Variants in FRMD1 observed in about 807,000 individuals in gnomAD.
The protein encoded by FRMD1 is FERM domain containing 1.
In FRMD1, 51 loss-of-function variants were observed where a neutral mutation model predicts 54.9. That is an observed-to-expected ratio of 0.93 (90% confidence interval 0.74 to 1.17). FRMD1 has a LOEUF of 1.17. Ranked by LOEUF, FRMD1 falls within the 50% of genes most tolerant of loss-of-function variation. The pLI, the probability that FRMD1 is intolerant of heterozygous loss-of-function variation, is 0.00. For synonymous variants in FRMD1, 324 were observed against 306.4 expected, an observed-to-expected ratio of 1.06 and a Z score of -0.60; for missense variants, 729 against 743.0, an observed-to-expected ratio of 0.98 and a Z score of 0.22.
intron 10 of FRMD1, 178 bp from the exon 11 acceptor site, chr6:168,057,517 G>A: frequency 1.2e-6 from 1 of 827,652 alleles, no homozygotes; most frequent in South Asian, 1.8e-5. Context: ...CTGCGAGAGA[G>A]GCTTGGCATC....
intron 1 of FRMD1, chr6:168,075,940 G>A (rs1339663582): frequency 1.1e-5 from 3 of 276,558 alleles, no homozygotes; most frequent in Admixed American, 1.1e-4. Flanking sequence ...TCCGGTGCCC[G>A]GTGTCCACAT....
At position 168,057,066 on chromosome 6, in the gene FRMD1, G is replaced by A. The variant is rs920783809; in HGVS notation, c.*31C>T. The A allele has an allele frequency of 1.2e-5, 18 of 1,441,766 alleles. No homozygotes were observed. In the East Asian group the frequency reaches 3.5e-4, roughly 28 times the overall value. The allele number at this position is 1,441,766 out of a possible 1,614,324, so 89.3% of individuals were successfully genotyped here. On this transcript the variant is annotated 3_prime_UTR_variant, in exon 11 of 11. Transcript: ENST00000283309. ...GGGGTGGGCAGGGGCTGAGCCTGGC[G>A]GTGCGGACGGTACTGCTGGGTGGGT...
At chr6:168,088,054 C>A (rs913953429) in intron 1 of FRMD1, among the ~76,000 whole-genome samples, 16 of 152,334 alleles carry the variant, frequency 1.1e-4, no homozygotes, top group Admixed American at 1.3e-4. Context: ...GGCTCTCTCC[C>A]TCTGGTTCCG....
chr6:168,059,287 ACCG>A lies in FRMD1; in HGVS notation c.1343-102_1343-100del. ...TGCACTTCTGGGGCCCTGGTCTCGG[ACCG>A]GCATCTCCTGAGGCTCACACCGCCC... On this transcript the variant is annotated intron_variant, in intron 9 of 10. Coordinates refer to ENST00000283309, the MANE Select transcript of FRMD1 (RefSeq NM_024919.6). This position sits in a 1 kb window ranked among gnomAD's most constrained non-coding sequence, Gnocchi z 4.4. 1 of 999,196 alleles carries A rather than the reference ACCG, an allele frequency of 1.0e-6. No homozygotes were observed. The highest frequency in any genetic ancestry group is 1.5e-6 in the Non-Finnish European group (1 of 671,310). The allele number at this position is 999,196 out of a possible 1,614,324, so 61.9% of individuals were successfully genotyped here. A position where few individuals can be genotyped will look rare whatever the true frequency, so the allele number is the denominator to read the frequency against.
intron 8 of FRMD1, among the ~76,000 whole-genome samples, chr6:168,061,279 C>T (rs976691163): frequency 1.8e-4 from 27 of 146,344 alleles, no homozygotes; most frequent in African/African-American, 6.5e-4. Flanking sequence ...AACGCTGAGG[C>T]GAGGCCTTGT....
chr6:168,063,997 A>G (rs1583178168), intron 5 of FRMD1, among the ~76,000 whole-genome samples: 3 of 152,198 alleles, frequency 2.0e-5, no homozygotes, highest in Non-Finnish European at 4.4e-5. Context: ...GGCAGCAGCC[A>G]GCCCTCCTCA....
intron 4 of FRMD1, chr6:168,066,176 T>G (rs772286034): frequency 6.1e-6 from 6 of 987,074 alleles, no homozygotes; most frequent in African/African-American, 1.7e-5. Context: ...ATACCCACCC[T>G]AGAGAGTACG....
At chr6:168,079,568 G>A (rs773522433), upstream of FRMD1, among the ~76,000 whole-genome samples, 21 of 152,198 alleles carry the variant, frequency 1.4e-4, no homozygotes, top group African/African-American at 3.6e-4. Flanking sequence ...CGAGGAGGGC[G>A]GGAGGAAGGC....
In FRMD1 at chr6:168,069,758, A is replaced by C. The variant is rs1800207553; in HGVS notation, c.305-2312T>G. On this transcript the variant is annotated intron_variant, in intron 2 of 10. Coordinates refer to ENST00000283309, the MANE Select transcript of FRMD1 (RefSeq NM_024919.6). ...GCGGCAACACCGATCTAGAAGATGA[A>C]ACCACTTGTTTCTCAAAATCATCAC... Among the ~76,000 whole-genome samples, 3 of 152,200 alleles carry C rather than the reference A, an allele frequency of 2.0e-5. No homozygotes were observed. In the South Asian group the frequency reaches 6.2e-4, roughly 32 times the overall value.
In FRMD1 at chr6:168,063,577, A is replaced by T. The variant is rs187719347; in HGVS notation, c.804+24T>A. ...CTGGCCTGGAGTCAGAGTCCAGCCC[A>T]TCGCTGGCCGCCCTGGGCTCGACCT... On this transcript the variant is annotated intron_variant, in intron 6 of 10. Transcript: ENST00000283309. 6.9e-5 allele frequency: 110 copies of T among 1,592,442 alleles called. No individual in the cohort carries two copies. In the Admixed American group the frequency reaches 1.8e-3, roughly 26 times the overall value.
intron 4 of FRMD1, 101 bp from the exon 5 acceptor site, chr6:168,065,158 C>T: frequency 1.4e-6 from 2 of 1,456,998 alleles, no homozygotes; most frequent in South Asian, 1.4e-5. Context: ...CCAGGGCTGT[C>T]CTGAGCCCCT....
chr6:168,091,465 C>T (rs1254156567), intron 1 of FRMD1, among the ~76,000 whole-genome samples: 1 of 152,232 alleles, frequency 6.6e-6, no homozygotes, highest in Non-Finnish European at 1.5e-5. Context: ...GTCTCAGGGT[C>T]AGGCTCCTGG....
chr6:168,080,488 G>C (rs532918169), upstream of FRMD1, among the ~76,000 whole-genome samples: 4 of 152,328 alleles, frequency 2.6e-5, no homozygotes, highest in East Asian at 7.7e-4. Flanking sequence ...AGCAGAGGCT[G>C]GATCCTCATG....
chr6:168,081,661 G>A, upstream of FRMD1: 5 of 700,822 alleles, frequency 7.1e-6, no homozygotes, highest in Non-Finnish European at 1.1e-5. Flanking sequence ...TGGTGAGAAG[G>A]AAGGCAGAAC....
In FRMD1 at chr6:168,065,884, AC is replaced by A; in HGVS notation, c.462-828del. The stretch of plus-strand genomic sequence containing the variant: ...CCCCTTAGGTTTTCCCCCAGGGTAA[AC>A]CCTGTTCACGCACCCCTGAAGCTCT... On this transcript the variant is annotated intron_variant, in intron 4 of 10. Coordinates refer to ENST00000283309, the MANE Select transcript of FRMD1 (RefSeq NM_024919.6). 3 of 1,000,144 alleles carry A rather than the reference AC, an allele frequency of 3.0e-6. No homozygotes were observed. The South Asian group carries it at 1.4e-4, about 47-fold the overall frequency. 62.0% of individuals were successfully genotyped at this position (1,000,144 alleles called of 1,614,324 possible).
chr6:168,067,609 A>G, intron 2 of FRMD1, 163 bp from the exon 3 acceptor site: 1 of 581,844 alleles, frequency 1.7e-6, no homozygotes, highest in African/African-American at 1.9e-5. Context: ...GACAACGCAG[A>G]AAGCATCTTA....
intron 1 of FRMD1, among the ~76,000 whole-genome samples, chr6:168,091,480 T>C (rs1873337): frequency 2.6e-5 from 4 of 152,052 alleles, no homozygotes; most frequent in Non-Finnish European, 5.9e-5. Context: ...TCCTGGGGAC[T>C]CCGTGGCCTC....
At position 168,065,141 on chromosome 6, in the gene FRMD1, C is replaced by A. The variant is rs1799964373; in HGVS notation, c.462-84G>T. The A allele has an allele frequency of 5.3e-6, 8 of 1,495,366 alleles. No homozygotes were observed. In the East Asian group the frequency reaches 1.2e-4, roughly 22 times the overall value. The allele number at this position is 1,495,366 out of a possible 1,614,324, so 92.6% of individuals were successfully genotyped here. On this transcript the variant is annotated intron_variant, in intron 4 of 10. Coordinates refer to ENST00000283309, the MANE Select transcript of FRMD1 (RefSeq NM_024919.6). ...TGGCCCTGCCTTGTCCCTCCCCACA[C>A]CAGCTCCCAGGGCTGTCCTGAGCCC... is the stretch of plus-strand genomic sequence containing the variant.
chr6:168,060,722 T>C, intron 9 of FRMD1, 39 bp downstream of exon 9: 1 of 1,577,256 alleles, frequency 6.3e-7, no homozygotes, highest in South Asian at 1.1e-5. Flanking sequence ...TGGACCACAC[T>C]CACTGTCCCT....
Sources: allele counts gnomAD v4.1 joint callset (sites outside exome capture counted in the v4.1 genomes callset), GRCh38; gene constraint gnomAD v4.1.1; non-coding constraint Gnocchi (gnomAD v3.1); transcripts MANE v1.5; gene names NCBI Gene and HGNC (gene_info 2026-07-23, HGNC 2026-07-21).